Variants in NTM observed in about 807,000 individuals in gnomAD.
NTM encodes the protein IgLON family member 2.
A neutral mutation model predicts 42.1 loss-of-function variants in NTM; 13 were observed. The observed-to-expected ratio is 0.31, with a 90% CI of 0.20 to 0.49. NTM has a LOEUF of 0.49. Ranked by LOEUF, NTM falls within the 20% of genes least tolerant of loss-of-function variation. The probability of loss-of-function intolerance (pLI) is 0.99; values close to 1 mark genes in which losing one functional copy is unlikely to be tolerated. For missense variants in NTM, 373 were observed against 452.8 expected (o/e 0.82, Z 1.60); for synonymous variants, 187 against 179.2 (o/e 1.04, Z -0.35).
intron 7 of NTM, chr11:132,314,925 C>CATGTATACAAAGTAGTAT: frequency 7.6e-7 from 1 of 1,316,944 alleles, no homozygotes; most frequent in Non-Finnish European, 9.7e-7. Flanking sequence ...ATACAGTTTA[C>CATGTATACAAAGTAGTAT]ATGTATACAA....
chr11:131,958,170 A>C (rs2061757884), intron 2 of NTM, among the ~76,000 whole-genome samples: 1 of 152,188 alleles, frequency 6.6e-6, no homozygotes, highest in Non-Finnish European at 1.5e-5. Context: ...AAATTTTATG[A>C]GGTGAGCTTA....
At chr11:131,432,063 A>C (rs1948701335) in intron 1 of NTM, among the ~76,000 whole-genome samples, 1 of 152,204 alleles carries the variant, frequency 6.6e-6, no homozygotes, top group South Asian at 2.1e-4. Context: ...CCTAAAATGG[A>C]GGGAAGATTT....
intron 1 of NTM, among the ~76,000 whole-genome samples, chr11:131,803,115 C>T (rs762791274): frequency 8.6e-5 from 13 of 151,718 alleles, no homozygotes; most frequent in Non-Finnish European, 1.8e-4. Flanking sequence ...GATTTTCCCC[C>T]TATGGCAGGA....
chr11:131,401,527 A>G (rs1024912855), intron 1 of NTM, among the ~76,000 whole-genome samples: 2 of 151,846 alleles, frequency 1.3e-5, no homozygotes, highest in South Asian at 4.2e-4. Flanking sequence ...CATAGTAGAT[A>G]CTCAGTAAAG....
intron 8 of NTM, among the ~76,000 whole-genome samples, chr11:132,334,266 G>T (rs1284401936): frequency 6.6e-6 from 1 of 152,200 alleles, no homozygotes; most frequent in African/African-American, 2.4e-5. Context: ...CAGTTCTCCT[G>T]CCTCCTGTGT....
At chr11:131,599,213 C>A (rs530276336) in intron 1 of NTM, among the ~76,000 whole-genome samples, 4 of 152,274 alleles carry the variant, frequency 2.6e-5, no homozygotes, top group African/African-American at 9.6e-5. Flanking sequence ...CCGCACCTGG[C>A]CTGTTTTCTC....
chr11:132,066,640 T>A (rs954503751), intron 2 of NTM, among the ~76,000 whole-genome samples: 3 of 152,210 alleles, frequency 2.0e-5, no homozygotes, highest in African/African-American at 4.8e-5. Flanking sequence ...TTTCTTCCAG[T>A]GGCTTCCGGT....
At chr11:132,302,866 T>C (rs2094917886) in intron 4 of NTM, among the ~76,000 whole-genome samples, 1 of 152,174 alleles carries the variant, frequency 6.6e-6, no homozygotes, top group Non-Finnish European at 1.5e-5. Flanking sequence ...ATACGAGGCT[T>C]GAGCGAAATC....
chr11:131,663,736 C>T (rs1489516716), intron 1 of NTM, among the ~76,000 whole-genome samples: 2 of 151,934 alleles, frequency 1.3e-5, no homozygotes, highest in Non-Finnish European at 2.9e-5. Context: ...TTTTTGTTAC[C>T]TTTTTTTTCT....
intron 7 of NTM, among the ~76,000 whole-genome samples, chr11:132,321,859 G>C (rs1229985083): frequency 6.7e-6 from 1 of 149,548 alleles, no homozygotes; most frequent in African/African-American, 2.5e-5. Flanking sequence ...CCAGAAGAGA[G>C]TGGGGGCCAA....
chr11:131,572,131 C>T (rs1347769310), intron 1 of NTM, among the ~76,000 whole-genome samples: 2 of 152,152 alleles, frequency 1.3e-5, no homozygotes, highest in African/African-American at 4.8e-5. Context: ...TAGCCGGGTG[C>T]CCTCTCGCAT....
chr11:131,782,149 G>C (rs1001205538), intron 1 of NTM, among the ~76,000 whole-genome samples: 6 of 152,072 alleles, frequency 3.9e-5, no homozygotes, highest in African/African-American at 1.4e-4. Context: ...AATCCCAAAA[G>C]ACTGCTTAAT....
In NTM at chr11:132,192,441, A is replaced by G. The variant is rs142952585; in HGVS notation, c.401-19581A>G. ...GCTTCATAAGCAAAGGAGAAATACA[A>G]TCTTTTTCAGACAAGCAAACACTAA... On this transcript the variant is annotated intron_variant, in intron 3 of 8. Transcript: ENST00000683400. Among the ~76,000 whole-genome samples the G allele has an allele frequency of 8.8e-4, 134 of 152,310 alleles. 1 individual carries two copies. In the East Asian group the frequency reaches 0.014, roughly 16 times the overall value.
chr11:131,432,836 A>ATTTTTTTTTTTTTTTTTTTT (rs1565494754), intron 1 of NTM, among the ~76,000 whole-genome samples: 2 of 87,420 alleles, frequency 2.3e-5, no homozygotes, highest in African/African-American at 9.1e-5. Context: ...AAGATTTAGC[A>ATTTTTTTTTTTTTTTTTTTT]TTCTTTTTTT....
At chr11:132,197,500 A>C (rs998539174) in intron 3 of NTM, among the ~76,000 whole-genome samples, 1 of 151,610 alleles carries the variant, frequency 6.6e-6, no homozygotes, top group South Asian at 2.1e-4. Context: ...ATGTTTATTG[A>C]TTTTTAATTT....
chr11:131,822,650 A>G (rs2093239506), intron 1 of NTM, among the ~76,000 whole-genome samples: 1 of 152,192 alleles, frequency 6.6e-6, no homozygotes, highest in African/African-American at 2.4e-5. Context: ...GTCGTTTTTC[A>G]TGGTGTCAAT....
chr11:131,955,912 C>G (rs189352268), intron 2 of NTM, among the ~76,000 whole-genome samples: 94 of 152,318 alleles, frequency 6.2e-4, no homozygotes, highest in African/African-American at 2.2e-3. Context: ...CAAAGCAGCC[C>G]CTGGAGCCTG....
chr11:131,443,185 G>C (rs1340011000), intron 1 of NTM, among the ~76,000 whole-genome samples: 1 of 152,160 alleles, frequency 6.6e-6, no homozygotes, highest in African/African-American at 2.4e-5. Context: ...TGTTTAAAGA[G>C]AGATACAATG....
intron 1 of NTM, 67 bp downstream of exon 1, chr11:131,370,955 G>A: frequency 1.3e-6 from 2 of 1,599,990 alleles, no homozygotes; most frequent in South Asian, 2.3e-5. Context: ...TATAAGATTT[G>A]CAGACTCCCC....
Sources: gnomAD v4.1 joint callset for allele counts (sites outside exome capture counted in the v4.1 genomes callset) on GRCh38, gnomAD v4.1.1 for gene constraint, MANE v1.5 for transcripts, NCBI Gene and HGNC (gene_info 2026-07-23, HGNC 2026-07-21) for gene names.